EIF4ENIF1: variants seen among roughly 807,000 people sequenced by gnomAD.
EIF4ENIF1 encodes eukaryotic translation initiation factor 4E transporter.
A neutral mutation model predicts 110.5 loss-of-function variants in EIF4ENIF1; 23 were observed. The ratio of observed to expected loss-of-function variants is 0.21; its 90% CI spans 0.15 to 0.29. The LOEUF is 0.29. EIF4ENIF1 is among the 10% of genes least tolerant of loss of function. EIF4ENIF1 has a pLI of 1.00. For missense variants in EIF4ENIF1, 1,031 were observed against 1,221.1 expected (o/e 0.84, Z 2.32); for synonymous variants, 440 against 437.0 (o/e 1.01, Z -0.09).
chr22:31,487,980 C>G (rs1426525107), intron 2 of EIF4ENIF1, among the ~76,000 whole-genome samples: 1 of 151,996 alleles, frequency 6.6e-6, no homozygotes, highest in East Asian at 1.9e-4. Context: ...GTCCTGTCAA[C>G]CTCTTCAAAA....
chr22:31,455,039 CT>C, intron 9 of EIF4ENIF1, 96 bp downstream of exon 9: 2 of 1,071,826 alleles, frequency 1.9e-6, no homozygotes, highest in Non-Finnish European at 2.6e-6. Flanking sequence ...ATATATTTGA[CT>C]TTTTATGAAA....
At chr22:31,478,519 A>AAG (rs1239381499) in intron 2 of EIF4ENIF1, among the ~76,000 whole-genome samples, 4 of 150,844 alleles carry the variant, frequency 2.7e-5, no homozygotes, top group African/African-American at 7.3e-5. Flanking sequence ...CTGTCTCAAA[A>AAG]AAAAAAAAAA....
chr22:31,492,211 A>G (rs912823544), upstream of EIF4ENIF1, among the ~76,000 whole-genome samples: 1 of 152,174 alleles, frequency 6.6e-6, no homozygotes, highest in African/African-American at 2.4e-5. Flanking sequence ...AAAGCCATAT[A>G]GTTGCTGTAT....
At chr22:31,482,365 A>G (rs1569106558) in intron 2 of EIF4ENIF1, among the ~76,000 whole-genome samples, 3 of 152,150 alleles carry the variant, frequency 2.0e-5, no homozygotes, top group Admixed American at 1.3e-4. Context: ...GAAGAACAGC[A>G]TAACGTATGT....
At chr22:31,481,328 ATT>A (rs35792669) in intron 2 of EIF4ENIF1, among the ~76,000 whole-genome samples, 159 of 147,520 alleles carry the variant, frequency 1.1e-3, no homozygotes, top group African/African-American at 2.3e-3. Context: ...ACCTCTGGCA[ATT>A]TTTTTTTTTT....
chr22:31,468,398 C>T, intron 3 of EIF4ENIF1, 96 bp from the exon 4 acceptor site: 1 of 1,544,788 alleles, frequency 6.5e-7, no homozygotes, highest in Admixed American at 1.8e-5. Flanking sequence ...TATGGAAACC[C>T]ATTTCTCCTT....
intron 14 of EIF4ENIF1, chr22:31,446,923 C>A: frequency 2.2e-6 from 1 of 450,100 alleles, no homozygotes; most frequent in Non-Finnish European, 4.5e-6. Flanking sequence ...TTGTTAACAG[C>A]TCTGATCAAC....
intron 4 of EIF4ENIF1, among the ~76,000 whole-genome samples, 174 bp downstream of exon 4, chr22:31,468,001 A>C (rs1402932270): frequency 6.6e-6 from 1 of 152,218 alleles, no homozygotes; most frequent in Non-Finnish European, 1.5e-5. Context: ...TAGCTGTGAC[A>C]AAGTAGACTA....
In EIF4ENIF1 at chr22:31,439,888, G is replaced by A. The variant is rs746361145; in HGVS notation, c.2950C>T (p.Arg984Ter). Residue 984 changes from arginine (R) to a stop codon, truncating the protein, a stop_gained, in exon 19 of 19, where the codon CGA becomes TGA. Coordinates refer to ENST00000330125, the MANE Select transcript of EIF4ENIF1 (RefSeq NM_019843.4). LOFTEE classifies it high-confidence loss of function. ...GAGTCTGCCTGCCCTGCTCACTGTC[G>A]GTATTCCAATTCATCTACACTGATA... is the stretch of plus-strand genomic sequence containing the variant. ...KVISVDELEY[R>*]Q is the part of the protein sequence containing the mutation. The A allele has an allele frequency of 2.2e-5, 35 of 1,613,134 alleles. No individual in the cohort carries two copies. Among genetic ancestry groups the A allele is most frequent in the Non-Finnish European group, 2.8e-5 (33 of 1,180,022 alleles).
In EIF4ENIF1 at chr22:31,441,931, T is replaced by C; in HGVS notation, c.2394A>G (p.Pro798=). ...GGCGGAGAAAAGGTGTTGTAGGAAC[T>C]GGGGATGCCAAGGTGGGTGTTTTTC... ...TGRKTPTLAS[P]VPTTPFLRPV... Residue 798 remains proline (P), a synonymous_variant, in exon 17 of 19, where the codon CCA becomes CCG. Coordinates refer to ENST00000330125, the MANE Select transcript of EIF4ENIF1 (RefSeq NM_019843.4). 1.9e-6 allele frequency: 3 copies of C among 1,614,158 alleles called. No individual in the cohort carries two copies. Among genetic ancestry groups the C allele is most frequent in the South Asian group, 2.2e-5 (2 of 91,086 alleles).
chr22:31,465,742 T>C (rs1360840773), intron 4 of EIF4ENIF1, among the ~76,000 whole-genome samples: 2 of 152,214 alleles, frequency 1.3e-5, no homozygotes, highest in Non-Finnish European at 2.9e-5. Flanking sequence ...GCTTTGGTTA[T>C]TTAACAGTCA....
chr22:31,481,473 T>C (rs963864231), intron 2 of EIF4ENIF1, among the ~76,000 whole-genome samples: 5 of 145,382 alleles, frequency 3.4e-5, no homozygotes, highest in Non-Finnish European at 5.9e-5. Context: ...TAGGTATCCT[T>C]AAATTAGTTT....
chr22:31,484,577 TAATCCC>T (rs2051947828), intron 2 of EIF4ENIF1, among the ~76,000 whole-genome samples: 1 of 151,190 alleles, frequency 6.6e-6, no homozygotes, highest in South Asian at 2.1e-4. Context: ...CTCACACCTG[TAATCCC>T]AGCAGTTTGG....
At chr22:31,493,151 C>T (rs755967407), upstream of EIF4ENIF1, among the ~76,000 whole-genome samples, 5 of 152,096 alleles carry the variant, frequency 3.3e-5, no homozygotes, top group Admixed American at 2.0e-4. Flanking sequence ...CTGCCTCAGC[C>T]TCCCGAGTAG....
rs767912472 is a variant in EIF4ENIF1, at chr22:31,441,774, C to A, written c.2551G>T (p.Gly851Cys). ...PQHLPSLLQT[G>C]VLPPGMDLSH... is the part of the protein sequence containing the mutation. ...CACCCAAGTCAGGCTGGAAACTCAC[C>A]AGTTTGGAGCAAACTTGGAAGATGC... The change falls in exon 17 of 19, where the codon GGT becomes TGT. Residue 851 changes from glycine (G) to cysteine (C), a missense_variant and splice_region_variant. Physicochemically the swap from Gly to Cys is radical, Grantham distance 159. Around this residue, in one of 3 missense-constraint regions of EIF4ENIF1, gnomAD observed 309 missense variants for 299.1 expected, o/e 1.03. Transcript: ENST00000330125. The A allele has an allele frequency of 5.0e-6, 8 of 1,606,500 alleles. No homozygotes were observed. Among genetic ancestry groups the A allele is most frequent in the South Asian group, 2.2e-5 (2 of 90,444 alleles).
At chr22:31,491,301 ACAAT>A (rs1314082316), upstream of EIF4ENIF1, among the ~76,000 whole-genome samples, 3 of 152,202 alleles carry the variant, frequency 2.0e-5, no homozygotes, top group Admixed American at 6.6e-5. Context: ...TATTATTTTA[ACAAT>A]CAAGCTGTTT....
intron 7 of EIF4ENIF1, among the ~76,000 whole-genome samples, chr22:31,457,902 A>G (rs2050877258): frequency 6.6e-6 from 1 of 152,184 alleles, no homozygotes; most frequent in Non-Finnish European, 1.5e-5. Flanking sequence ...TATCCAAAAT[A>G]TAAGCATCTT....
intron 7 of EIF4ENIF1, among the ~76,000 whole-genome samples, chr22:31,456,305 G>C (rs1373096818): frequency 2.0e-5 from 3 of 147,090 alleles, no homozygotes; most frequent in Non-Finnish European, 3.0e-5. Context: ...CTCACTGCAA[G>C]CTCCGCCTCC....
downstream of EIF4ENIF1, among the ~76,000 whole-genome samples, chr22:31,438,849 A>C (rs1714316604): frequency 6.6e-6 from 1 of 151,858 alleles, no homozygotes; most frequent in African/African-American, 2.4e-5. Flanking sequence ...CAGCCTCCCG[A>C]GTAGCTGGGA....
Sources: gnomAD v4.1 joint callset for allele counts (sites outside exome capture counted in the v4.1 genomes callset) on GRCh38, gnomAD v4.1.1 for gene constraint, gnomAD v4.1.1 regional missense constraint, MANE v1.5 for transcripts, NCBI Gene and HGNC (gene_info 2026-07-23, HGNC 2026-07-21) for gene names.